ATAD1: variants seen among roughly 807,000 people sequenced by gnomAD.
ATAD1 encodes outer mitochondrial transmembrane helix translocase.
Under a neutral mutation model 42.7 loss-of-function variants are expected in ATAD1, and 18 were observed. The observed-to-expected ratio is 0.42, with a 90% CI of 0.29 to 0.63. ATAD1 has a LOEUF of 0.63. Ranked by LOEUF, ATAD1 falls within the 20% of genes least tolerant of loss-of-function variation. The pLI, the probability that ATAD1 is intolerant of heterozygous loss-of-function variation, is 0.19. For synonymous variants in ATAD1, 132 were observed against 143.1 expected, an observed-to-expected ratio of 0.92 and a Z score of 0.55; for missense variants, 294 against 440.4, an observed-to-expected ratio of 0.67 and a Z score of 2.98.
intron 8 of ATAD1, among the ~76,000 whole-genome samples, chr10:87,762,931 A>G (rs1564740877): frequency 6.8e-6 from 1 of 146,922 alleles, no homozygotes; most frequent in African/African-American, 2.5e-5. Context: ...ATATATATAT[A>G]TAAGCCGGGT....
chr10:87,793,306 A>G (rs1022295262), intron 2 of ATAD1, among the ~76,000 whole-genome samples: 4 of 152,196 alleles, frequency 2.6e-5, no homozygotes, highest in African/African-American at 9.7e-5. Context: ...TCTTGGGACT[A>G]GGCAACCAGA....
At chr10:87,797,397 C>T (rs1252232898) in intron 2 of ATAD1, among the ~76,000 whole-genome samples, 1 of 152,178 alleles carries the variant, frequency 6.6e-6, no homozygotes, top group Non-Finnish European at 1.5e-5. Context: ...AACAAATGTT[C>T]TTTCATTTAC....
intron 2 of ATAD1, among the ~76,000 whole-genome samples, chr10:87,795,063 A>T (rs1281030843): frequency 1.3e-5 from 2 of 152,200 alleles, no homozygotes; most frequent in Non-Finnish European, 2.9e-5. Flanking sequence ...AGTAACTATT[A>T]TTATCCTTAT....
At position 87,806,240 on chromosome 10, in the gene ATAD1, T is replaced by C. The variant is rs553542480; in HGVS notation, c.162+8198A>G. On this transcript the variant is annotated intron_variant, in intron 2 of 9. Transcript: ENST00000680024. Reference sequence around the variant, plus strand: ...GTAGAAAAGACTATCACCAGTACCCTAAACATCATCTTGGTTTTATTCTCA... The same window carrying C: ...GTAGAAAAGACTATCACCAGTACCCCAAACATCATCTTGGTTTTATTCTCA... Among the ~76,000 whole-genome samples the C allele has an allele frequency of 2.6e-5, 4 of 152,220 alleles. No individual in the cohort carries two copies. The South Asian group carries it at 8.3e-4, about 32-fold the overall frequency.
chr10:87,777,267 T>C (rs537812513), intron 5 of ATAD1, among the ~76,000 whole-genome samples: 81 of 152,144 alleles, frequency 5.3e-4, no homozygotes, highest in Non-Finnish European at 8.8e-4. Flanking sequence ...TCATGCAGTT[T>C]CCTGTTAATA....
At chr10:87,774,261 G>C (rs1855187283) in intron 6 of ATAD1, among the ~76,000 whole-genome samples, 1 of 152,192 alleles carries the variant, frequency 6.6e-6, no homozygotes, top group East Asian at 1.9e-4. Flanking sequence ...TTAAGCTAAG[G>C]CTGGAGGTAA....
chr10:87,784,464 G>C lies in ATAD1; in HGVS notation c.583+6C>G, dbSNP rs564202859. On this transcript the variant is annotated splice_donor_region_variant and intron_variant, in intron 5 of 9. Coordinates refer to ENST00000680024, the MANE Select transcript of ATAD1 (RefSeq NM_001321967.2). ...TAAAAATACTCATATAGAAAACATAGCATACCTATTTCATCTATAAAGATG... is the reference window on the plus strand; with the variant it reads ...TAAAAATACTCATATAGAAAACATACCATACCTATTTCATCTATAAAGATG... The C allele has an allele frequency of 6.2e-7, 1 of 1,611,566 alleles. No individual in the cohort carries two copies. Among genetic ancestry groups the C allele is most frequent in the South Asian group, 1.1e-5 (1 of 90,762 alleles).
At chr10:87,834,578 T>A (rs893234194) in intron 1 of ATAD1, among the ~76,000 whole-genome samples, 2 of 152,190 alleles carry the variant, frequency 1.3e-5, no homozygotes, top group Non-Finnish European at 2.9e-5. Flanking sequence ...GAGTTGTTCG[T>A]AGTATTTCCT....
chr10:87,822,904 A>G (rs750839154), upstream of ATAD1, among the ~76,000 whole-genome samples: 1 of 152,118 alleles, frequency 6.6e-6, no homozygotes. Context: ...CATGTAATCC[A>G]TAGATACACA....
chr10:87,794,063 A>C (rs1856260222), intron 2 of ATAD1, among the ~76,000 whole-genome samples: 1 of 152,126 alleles, frequency 6.6e-6, no homozygotes, highest in African/African-American at 2.4e-5. Context: ...TCTACAAAAA[A>C]TCAAAACTTA....
chr10:87,788,581 C>T (rs7098653), intron 4 of ATAD1, among the ~76,000 whole-genome samples: 44,674 of 152,026 alleles, frequency 0.29, 6,777 homozygotes, highest in Non-Finnish European at 0.31. Flanking sequence ...GAAGTATTCC[C>T]TGCATAATTT....
At chr10:87,827,067 G>GT (rs1225125935) in intron 1 of ATAD1, among the ~76,000 whole-genome samples, 2 of 152,178 alleles carry the variant, frequency 1.3e-5, no homozygotes, top group African/African-American at 4.8e-5. Context: ...AGAGTGCCAG[G>GT]TAGGTGAAGA....
chr10:87,787,606 CCAAAAAAAAGGATAAGAA>C (rs1478994984), intron 4 of ATAD1, among the ~76,000 whole-genome samples: 1 of 151,628 alleles, frequency 6.6e-6, no homozygotes, highest in Non-Finnish European at 1.5e-5. Flanking sequence ...GACTCTGTCT[CCAAAAAAAAGGATAAGAA>C]CAAAAAAAGT....
chr10:87,793,379 G>A (rs1238737540), intron 2 of ATAD1, among the ~76,000 whole-genome samples: 1 of 152,008 alleles, frequency 6.6e-6, no homozygotes, highest in Non-Finnish European at 1.5e-5. Flanking sequence ...ATACAACAAA[G>A]CTTTCAATTA....
At chr10:87,759,738 T>C (rs1854395036) in intron 8 of ATAD1, 1 of 455,800 alleles carries the variant, frequency 2.2e-6, no homozygotes, top group Non-Finnish European at 4.4e-6. Flanking sequence ...CTTCTTTGTG[T>C]AATCCTGGGC....
chr10:87,840,263 T>G (rs962990876), intron 1 of ATAD1, among the ~76,000 whole-genome samples: 3 of 152,242 alleles, frequency 2.0e-5, no homozygotes, highest in East Asian at 1.9e-4. Flanking sequence ...GCGGGAAGAT[T>G]GCTTGAAACC....
rs539954817 is a variant in ATAD1 at position 87,840,254 on chromosome 10, C to T, written c.-14+933G>A. ...ATCCCAACACTTCGTGATGACAAGG[C>T]GGGAAGATTGCTTGAAACCAAAGGT... On this transcript the variant is annotated intron_variant, in intron 1 of 4. Coordinates refer to the ATAD1 transcript ENST00000495903. Among the ~76,000 whole-genome samples the T allele has an allele frequency of 4.9e-4, 75 of 152,196 alleles. 3 individuals carry two copies. Among genetic ancestry groups the T allele is most frequent in the Admixed American group, 4.4e-3 (67 of 15,282 alleles).
intron 8 of ATAD1, among the ~76,000 whole-genome samples, chr10:87,767,170 A>G (rs1002994594): frequency 1.3e-5 from 2 of 152,188 alleles, no homozygotes; most frequent in Non-Finnish European, 2.9e-5. Context: ...AAACATAAGA[A>G]AAGTATCTTT....
chr10:87,783,754 G>A (rs1404476610), intron 5 of ATAD1, among the ~76,000 whole-genome samples: 1 of 151,796 alleles, frequency 6.6e-6, no homozygotes, highest in Non-Finnish European at 1.5e-5. Context: ...GCAAAGGATA[G>A]TCTAGTTTGC....
Sources: allele counts gnomAD v4.1 joint callset (sites outside exome capture counted in the v4.1 genomes callset), GRCh38; gene constraint gnomAD v4.1.1; transcripts MANE v1.5; gene names NCBI Gene and HGNC (gene_info 2026-07-23, HGNC 2026-07-21).